KCNB2: variants seen among roughly 807,000 people sequenced by gnomAD.
KCNB2 encodes the protein potassium voltage-gated channel subfamily B member 2.
Under a neutral mutation model 61.5 loss-of-function variants are expected in KCNB2, and 15 were observed. That is an observed-to-expected ratio of 0.24 (90% CI 0.16 to 0.38). The LOEUF (loss-of-function observed/expected upper bound fraction) is 0.38, where lower values mean the gene tolerates loss of function less well. Ranked by LOEUF, KCNB2 falls within the 10% of genes least tolerant of loss-of-function variation. The pLI, the probability that KCNB2 is intolerant of heterozygous loss-of-function variation, is 1.00. For missense variants in KCNB2, 828 were observed against 1,125.2 expected (o/e 0.74, Z 3.78); for synonymous variants, 457 against 446.0 (o/e 1.02, Z -0.31).
At chr8:72,686,202 C>G (rs1282993781) in intron 2 of KCNB2, among the ~76,000 whole-genome samples, 1 of 151,972 alleles carries the variant, frequency 6.6e-6, no homozygotes, top group Non-Finnish European at 1.5e-5. Context: ...AGACTTTGAC[C>G]TTTTTACACA....
At chr8:72,790,163 G>C (rs368211603) in intron 2 of KCNB2, among the ~76,000 whole-genome samples, 1 of 152,186 alleles carries the variant, frequency 6.6e-6, no homozygotes, top group African/African-American at 2.4e-5. Flanking sequence ...GGAAGCCCAG[G>C]GAAAGAAGTC....
chr8:72,914,851 C>G (rs1232684780), intron 2 of KCNB2, among the ~76,000 whole-genome samples: 2 of 151,790 alleles, frequency 1.3e-5, no homozygotes, highest in African/African-American at 2.4e-5. Context: ...CAGACATATC[C>G]TGACGATTGA....
At chr8:72,896,035 A>G (rs1051098065) in intron 2 of KCNB2, among the ~76,000 whole-genome samples, 5 of 152,152 alleles carry the variant, frequency 3.3e-5, no homozygotes, top group African/African-American at 9.7e-5. Flanking sequence ...TCAAGTTTCC[A>G]AAATAAGTTT....
In KCNB2 at chr8:72,567,740, A is replaced by C; in HGVS notation, c.6A>C (p.Ala2=). 1 of 1,554,946 alleles carries C rather than the reference A, an allele frequency of 6.4e-7. No individual in the cohort carries two copies. Among genetic ancestry groups the C allele is most frequent in the Non-Finnish European group, 8.7e-7 (1 of 1,154,242 alleles). The part of the protein sequence containing the change: M[A]EKAPPGLNRK... ...GCGGCTTTGTCCAGTTCAAAATGGC[A>C]GAAAAGGCTCCCCCGGGCTTAAACA... The change falls in exon 2 of 3, where the codon GCA becomes GCC. Residue 2 remains alanine, a synonymous_variant. Coordinates refer to ENST00000523207, the MANE Select transcript of KCNB2 (RefSeq NM_004770.3).
chr8:72,728,188 C>T (rs988386271), intron 2 of KCNB2, among the ~76,000 whole-genome samples: 3 of 152,140 alleles, frequency 2.0e-5, no homozygotes, highest in Admixed American at 2.0e-4. Flanking sequence ...GTTTTCCAGA[C>T]ATTTCTGCTC....
intron 2 of KCNB2, among the ~76,000 whole-genome samples, chr8:72,923,383 T>A (rs1410192028): frequency 6.6e-6 from 1 of 152,142 alleles, no homozygotes; most frequent in East Asian, 1.9e-4. Flanking sequence ...AAGATATATG[T>A]TTTGGGATAA....
intron 2 of KCNB2, among the ~76,000 whole-genome samples, chr8:72,838,054 C>A (rs905836764): frequency 6.6e-6 from 1 of 152,144 alleles, no homozygotes; most frequent in African/African-American, 2.4e-5. Flanking sequence ...CATTCATATT[C>A]TCTTAAAATA....
intron 2 of KCNB2, among the ~76,000 whole-genome samples, chr8:72,624,812 C>T (rs1221324192): frequency 6.6e-6 from 1 of 152,158 alleles, no homozygotes; most frequent in African/African-American, 2.4e-5. Flanking sequence ...CACATAACAT[C>T]GCAGTGCCCC....
At chr8:72,608,908 T>C (rs1290726662) in intron 2 of KCNB2, among the ~76,000 whole-genome samples, 3 of 152,132 alleles carry the variant, frequency 2.0e-5, no homozygotes, top group Non-Finnish European at 4.4e-5. Flanking sequence ...CATAAAAGGA[T>C]GGTTACAAGG....
At chr8:72,573,803 G>C (rs184337507) in intron 2 of KCNB2, among the ~76,000 whole-genome samples, 1 of 152,180 alleles carries the variant, frequency 6.6e-6, no homozygotes, top group East Asian at 1.9e-4. Flanking sequence ...TCTACATTGA[G>C]GCACCTCTGT....
At chr8:72,697,332 A>C (rs921148389) in intron 2 of KCNB2, among the ~76,000 whole-genome samples, 1 of 152,140 alleles carries the variant, frequency 6.6e-6, no homozygotes. Flanking sequence ...CGTCATCATC[A>C]TCATTAATTA....
intron 2 of KCNB2, among the ~76,000 whole-genome samples, chr8:72,643,394 C>A (rs186157744): frequency 6.6e-6 from 1 of 152,220 alleles, no homozygotes; most frequent in African/African-American, 2.4e-5. Context: ...GTATGGCACA[C>A]CCCAGACTCT....
At chr8:72,820,579 C>CT (rs957074058) in intron 2 of KCNB2, among the ~76,000 whole-genome samples, 33 of 148,728 alleles carry the variant, frequency 2.2e-4, no homozygotes, top group East Asian at 7.9e-4. Context: ...TAACCTATGA[C>CT]TTTTTTTTTT....
intron 2 of KCNB2, among the ~76,000 whole-genome samples, chr8:72,613,451 G>A (rs1805570716): frequency 6.6e-6 from 1 of 152,194 alleles, no homozygotes; most frequent in African/African-American, 2.4e-5. Flanking sequence ...TTTGTCTTAC[G>A]CACCTAGACA....
chr8:72,793,041 G>A (rs1808971783), intron 2 of KCNB2, among the ~76,000 whole-genome samples: 1 of 152,164 alleles, frequency 6.6e-6, no homozygotes, highest in African/African-American at 2.4e-5. Flanking sequence ...AATTCTAAAT[G>A]TTCTTGTTTG....
At chr8:72,621,887 T>C (rs1805718590) in intron 2 of KCNB2, among the ~76,000 whole-genome samples, 1 of 152,230 alleles carries the variant, frequency 6.6e-6, no homozygotes, top group Admixed American at 6.5e-5. Flanking sequence ...ATACATCTCA[T>C]AAGTGTTTGT....
At chr8:72,569,588 G>GT (rs972908516) in intron 2 of KCNB2, among the ~76,000 whole-genome samples, 5 of 151,806 alleles carry the variant, frequency 3.3e-5, no homozygotes, top group Non-Finnish European at 5.9e-5. Flanking sequence ...AAGACTTTAG[G>GT]TTTTTTTGTA....
intron 2 of KCNB2, among the ~76,000 whole-genome samples, chr8:72,653,855 G>A (rs1322769364): frequency 1.3e-5 from 2 of 152,162 alleles, no homozygotes; most frequent in Admixed American, 1.3e-4. Flanking sequence ...ATTGTAAAGA[G>A]TTATTTCTAA....
chr8:72,771,924 G>C (rs932254407), intron 2 of KCNB2, among the ~76,000 whole-genome samples: 1 of 152,194 alleles, frequency 6.6e-6, no homozygotes, highest in Non-Finnish European at 1.5e-5. Flanking sequence ...AGATTAGTTA[G>C]TATCAAGAAG....
Sources: gnomAD v4.1 joint callset for allele counts (sites outside exome capture counted in the v4.1 genomes callset) on GRCh38, gnomAD v4.1.1 for gene constraint, MANE v1.5 for transcripts, NCBI Gene and HGNC (gene_info 2026-07-23, HGNC 2026-07-21) for gene names.